EYA2: variants seen among roughly 807,000 people sequenced by gnomAD.
EYA2 encodes the protein protein phosphatase EYA2.
Under a neutral mutation model 69.2 loss-of-function variants are expected in EYA2, and 31 were observed. The ratio of observed to expected loss-of-function variants is 0.45; its 90% confidence interval spans 0.34 to 0.60. EYA2 has a LOEUF of 0.60. EYA2 is among the 20% of genes least tolerant of loss of function. The pLI, the probability that EYA2 is intolerant of heterozygous loss-of-function variation, is 0.02. For synonymous variants in EYA2, 257 were observed against 279.4 expected (o/e 0.92, Z 0.80); for missense variants, 622 against 701.2 (o/e 0.89, Z 1.28).
intron 5 of EYA2, among the ~76,000 whole-genome samples, chr20:47,053,906 A>G (rs1489879435): frequency 6.6e-6 from 1 of 151,796 alleles, no homozygotes; most frequent in African/African-American, 2.4e-5. Flanking sequence ...CGTTAGGGTC[A>G]TAGACTCAAG....
intron 1 of EYA2, among the ~76,000 whole-genome samples, chr20:46,908,497 G>A (rs560622607): frequency 2.6e-4 from 40 of 152,298 alleles, no homozygotes; most frequent in African/African-American, 8.2e-4. Context: ...GCCGTTCTGC[G>A]TCAATCAGTC....
At chr20:47,001,337 G>C in intron 2 of EYA2, 91 bp from the exon 3 acceptor site, 1 of 1,113,704 alleles carries the variant, frequency 9.0e-7, no homozygotes, top group Non-Finnish European at 1.4e-6. Context: ...CTCCAAGTCT[G>C]CTCCTGCTTA....
intron 8 of EYA2, among the ~76,000 whole-genome samples, chr20:47,092,976 A>C (rs1382995251): frequency 1.3e-5 from 2 of 152,220 alleles, no homozygotes; most frequent in Non-Finnish European, 2.9e-5. Flanking sequence ...AAAAAGCAGA[A>C]TTTATTTTAA....
chr20:47,065,058 A>T, intron 5 of EYA2, among the ~76,000 whole-genome samples: 1 of 152,112 alleles, frequency 6.6e-6, no homozygotes, highest in Non-Finnish European at 1.5e-5. Flanking sequence ...TGTGCAGGGG[A>T]ACTCCCCTTT....
chr20:47,100,612 C>T (rs1302669211), intron 9 of EYA2, among the ~76,000 whole-genome samples: 1 of 152,202 alleles, frequency 6.6e-6, no homozygotes, highest in East Asian at 1.9e-4. Flanking sequence ...GCATGAGAAT[C>T]AGACTCAAGC....
At chr20:47,043,269 A>G (rs2146419712) in intron 5 of EYA2, among the ~76,000 whole-genome samples, 1 of 152,290 alleles carries the variant, frequency 6.6e-6, no homozygotes, top group East Asian at 1.9e-4. Flanking sequence ...AGAGTTCATC[A>G]CAGTACAGAT....
At chr20:47,109,073 CCA>C (rs930856600) in intron 9 of EYA2, among the ~76,000 whole-genome samples, 2 of 152,044 alleles carry the variant, frequency 1.3e-5, no homozygotes, top group Admixed American at 1.3e-4. Flanking sequence ...GGCAGACCAG[CCA>C]CAGATAAAGA....
Position 47,110,046 on chromosome 20 carries a change from G to A in EYA2, c.888+12878G>A, listed in dbSNP as rs773288768. The stretch of plus-strand genomic sequence containing the variant: ...GCATCAGCACAGACAGAGCTGTGAC[G>A]AGCAACCTTTATGGACTGCTCTGAG... On this transcript the variant is annotated intron_variant, in intron 9 of 15. Coordinates refer to ENST00000327619, the MANE Select transcript of EYA2 (RefSeq NM_005244.5). 3.3e-5 allele frequency among the ~76,000 whole-genome samples: 5 copies of A among 152,126 alleles called. No homozygotes were observed. In the East Asian group the frequency reaches 5.8e-4, roughly 18 times the overall value.
chr20:47,158,686 C>T (rs1468989147), intron 10 of EYA2, among the ~76,000 whole-genome samples: 1 of 151,940 alleles, frequency 6.6e-6, no homozygotes. Context: ...GGGCCAAGAA[C>T]TATATGATTA....
chr20:46,949,050 A>G (rs1978644966), intron 1 of EYA2, among the ~76,000 whole-genome samples: 1 of 152,216 alleles, frequency 6.6e-6, no homozygotes, highest in Admixed American at 6.5e-5. Flanking sequence ...GAATATGCCC[A>G]GTGTCTTGGA....
chr20:46,921,368 C>G lies in EYA2; in HGVS notation c.-11+26381C>G, dbSNP rs147101596. ...GTCTCCACATTTATTTTCCTCATGT[C>G]CATTTGTAGTCCTCTGCAGTACGTG... is the stretch of plus-strand genomic sequence containing the variant. On this transcript the variant is annotated intron_variant, in intron 1 of 15. Coordinates refer to ENST00000327619, the MANE Select transcript of EYA2 (RefSeq NM_005244.5). 2.5e-3 allele frequency among the ~76,000 whole-genome samples: 377 copies of G among 152,350 alleles called. 1 individual carries two copies. Among genetic ancestry groups the G allele is most frequent in the African/African-American group, 8.3e-3 (345 of 41,582 alleles).
chr20:47,054,656 C>T (rs1289376616), intron 5 of EYA2, among the ~76,000 whole-genome samples: 1 of 152,136 alleles, frequency 6.6e-6, no homozygotes, highest in African/African-American at 2.4e-5. Flanking sequence ...CAGGACTTGA[C>T]CCCAGGACAT....
At chr20:46,906,578 A>T (rs545085909) in intron 1 of EYA2, among the ~76,000 whole-genome samples, 1 of 152,368 alleles carries the variant, frequency 6.6e-6, no homozygotes, top group East Asian at 1.9e-4. Flanking sequence ...GGCTAACTTT[A>T]TGCCGGGATA....
chr20:47,052,896 A>G lies in EYA2; in HGVS notation c.416-19289A>G, dbSNP rs572159192. 7.9e-5 allele frequency among the ~76,000 whole-genome samples: 12 copies of G among 152,182 alleles called. No homozygotes were observed. In the East Asian group the frequency reaches 1.7e-3, roughly 22 times the overall value. ...GTCTCAGCCTCCCAAACGGGCTTCT[A>G]TTTCTTTTATCCACATTCACAGTAT... On this transcript the variant is annotated intron_variant, in intron 5 of 15. Transcript: ENST00000327619.
At chr20:47,171,344 C>A (rs1284360151) in intron 11 of EYA2, among the ~76,000 whole-genome samples, 1 of 152,152 alleles carries the variant, frequency 6.6e-6, no homozygotes, top group African/African-American at 2.4e-5. Flanking sequence ...TATGGAGTAC[C>A]TACTATATGC....
intron 10 of EYA2, among the ~76,000 whole-genome samples, chr20:47,154,134 G>C (rs1214307190): frequency 1.3e-5 from 2 of 151,990 alleles, no homozygotes; most frequent in East Asian, 3.9e-4. Context: ...TGGCAAAGTT[G>C]GTTTCTGGTG....
intron 11 of EYA2, among the ~76,000 whole-genome samples, chr20:47,170,719 A>G (rs1034826178): frequency 6.6e-6 from 1 of 152,120 alleles, no homozygotes; most frequent in Non-Finnish European, 1.5e-5. Flanking sequence ...CCCCTGGGAA[A>G]ACTTTGTAAA....
In EYA2 at chr20:47,072,178, C is replaced by T; in HGVS notation, c.416-7C>T. 2 of 1,612,098 alleles carry T rather than the reference C, an allele frequency of 1.2e-6. No homozygotes were observed. Among genetic ancestry groups the T allele is most frequent in the Non-Finnish European group, 1.7e-6 (2 of 1,178,916 alleles). ...CTAACCTGTACCCCTGTTCCTCCTT[C>T]CCACAGGCACAACAGGGTTCTATCA... On this transcript the variant is annotated splice_region_variant and splice_polypyrimidine_tract_variant and intron_variant, in intron 5 of 15. Coordinates refer to ENST00000327619, the MANE Select transcript of EYA2 (RefSeq NM_005244.5).
intron 1 of EYA2, among the ~76,000 whole-genome samples, chr20:46,987,997 TGGGGCA>T (rs1981397652): frequency 2.9e-5 from 2 of 69,012 alleles, no homozygotes; most frequent in Non-Finnish European, 5.8e-5. Flanking sequence ...TATATATATA[TGGGGCA>T]AAAAAAAAAT....
Sources: gnomAD v4.1 joint callset for allele counts (sites outside exome capture counted in the v4.1 genomes callset) on GRCh38, gnomAD v4.1.1 for gene constraint, MANE v1.5 for transcripts, NCBI Gene and HGNC (gene_info 2026-07-23, HGNC 2026-07-21) for gene names.